The following DIDO1 variants were observed in gnomAD, a reference collection of about 807,000 sequenced individuals.
DIDO1 encodes death inducer-obliterator 1.
Under a neutral mutation model 99.4 loss-of-function variants are expected in DIDO1, and 16 were observed. That is an observed-to-expected ratio of 0.16 (90% CI 0.11 to 0.24). The LOEUF is 0.24. Ranked by LOEUF, DIDO1 falls within the 10% of genes least tolerant of loss-of-function variation. The pLI, the probability that DIDO1 is intolerant of heterozygous loss-of-function variation, is 1.00. For missense variants in DIDO1, 2,996 were observed against 3,014.0 expected, an observed-to-expected ratio of 0.99 and a Z score of 0.14; for synonymous variants, 1,366 against 1,239.1, an observed-to-expected ratio of 1.10 and a Z score of -2.15.
chr20:62,897,085 G>C (rs529994402), intron 6 of DIDO1, 89 bp from the exon 7 acceptor site: 2 of 1,220,078 alleles, frequency 1.6e-6, no homozygotes, highest in Non-Finnish European at 2.3e-6. Context: ...CCTTAAACCT[G>C]TAAGTGCCCA....
chr20:62,879,623 C>T lies in DIDO1; in HGVS notation c.6333G>A (p.Glu2111=). 1 of 1,605,288 alleles carries T rather than the reference C, an allele frequency of 6.2e-7. No individual in the cohort carries two copies. Among genetic ancestry groups the T allele is most frequent in the African/African-American group, 1.3e-5 (1 of 75,030 alleles). ...EEPDAQGRAS[E]DRRRERERGR... Reference sequence around the variant, plus strand: ...CGCGCTCGCGCTCTCTCCTCCTGTCCTCGGACGCCCGGCCCTGGGCGTCGG... The same window carrying T: ...CGCGCTCGCGCTCTCTCCTCCTGTCTTCGGACGCCCGGCCCTGGGCGTCGG... Residue 2111 remains glutamate (E), a synonymous_variant, in exon 16 of 16, where the codon GAG becomes GAA. Transcript: ENST00000395343. This position sits in a 1 kb window ranked among gnomAD's most constrained non-coding sequence, Gnocchi z 6.3.
intron 6 of DIDO1, among the ~76,000 whole-genome samples, chr20:62,901,788 A>G (rs2064687580): frequency 6.6e-6 from 1 of 151,632 alleles, no homozygotes; most frequent in Admixed American, 6.6e-5. Context: ...AGCTAAGAAT[A>G]TAACTATGTG....
At chr20:62,883,748 C>T (rs534890013) in intron 15 of DIDO1, among the ~76,000 whole-genome samples, 8 of 152,312 alleles carry the variant, frequency 5.3e-5, no homozygotes, top group Admixed American at 4.6e-4. Flanking sequence ...ATCGCTTGAA[C>T]CCAGGAGGTG....
At chr20:62,934,962 T>G (rs1466928109) in intron 1 of DIDO1, among the ~76,000 whole-genome samples, 1 of 152,230 alleles carries the variant, frequency 6.6e-6, no homozygotes, top group Non-Finnish European at 1.5e-5. Flanking sequence ...GATCCACTCC[T>G]TGTCTCCATG....
In DIDO1 at chr20:62,891,024, G is replaced by A. The variant is rs1235036624; in HGVS notation, c.3477C>T (p.Leu1159=). 1 of 1,614,086 alleles carries A rather than the reference G, an allele frequency of 6.2e-7. No individual in the cohort carries two copies. Among genetic ancestry groups the A allele is most frequent in the Non-Finnish European group, 8.5e-7 (1 of 1,180,042 alleles). The part of the protein sequence containing the change: ...VANNNRHVKD[L]YLIPLSAQDP... Reference sequence around the variant, plus strand: ...CCTGGGCGCTCAGCGGGATCAGGTAGAGGTCCTTGACGTGCCTGTTGTTAT... The same window carrying A: ...CCTGGGCGCTCAGCGGGATCAGGTAAAGGTCCTTGACGTGCCTGTTGTTAT... The change falls in exon 15 of 16, where the codon CTC becomes CTT. Residue 1159 remains leucine (L), a synonymous_variant. Transcript: ENST00000395343.
intron 3 of DIDO1, 79 bp downstream of exon 3, chr20:62,910,695 G>T: frequency 1.3e-6 from 2 of 1,486,568 alleles, no homozygotes; most frequent in Non-Finnish European, 1.8e-6. Flanking sequence ...GCCCAGCTTT[G>T]TAACCCTTTA....
In DIDO1 at chr20:62,894,874, T is replaced by G; in HGVS notation, c.2372A>C (p.Lys791Thr). The G allele has an allele frequency of 6.2e-7, 1 of 1,614,226 alleles. No individual in the cohort carries two copies. Among genetic ancestry groups the G allele is most frequent in the Non-Finnish European group, 8.5e-7 (1 of 1,180,044 alleles). Residue 791 changes from lysine (K) to threonine (T), a missense_variant, in exon 10 of 16, where the codon AAG (lysine) becomes ACG (threonine). Physicochemically the swap from Lys to Thr is moderately conservative, Grantham distance 78 (BLOSUM62 -1). Transcript: ENST00000395343. This position sits in a 1 kb window ranked among gnomAD's most constrained non-coding sequence, Gnocchi z 4.4. ...GATGGCCTCCTGCCTGGGGGCCGTC[T>G]TCTTGCTTTCATTGTGCAGTTTAGT... ...SRTKLHNESK[K>T]TAPRQEAIPD...
At chr20:62,919,706 C>T (rs1261485756) in intron 1 of DIDO1, among the ~76,000 whole-genome samples, 1 of 152,188 alleles carries the variant, frequency 6.6e-6, no homozygotes, top group Admixed American at 6.5e-5. Flanking sequence ...TACTGAAAAA[C>T]CTGCTGAGGA....
At chr20:62,920,483 G>T (rs917564286) in intron 1 of DIDO1, among the ~76,000 whole-genome samples, 5 of 152,240 alleles carry the variant, frequency 3.3e-5, no homozygotes, top group African/African-American at 9.6e-5. Context: ...GCATCAGATT[G>T]ATTCCACACT....
intron 6 of DIDO1, among the ~76,000 whole-genome samples, chr20:62,903,817 G>A (rs564036548): frequency 1.3e-5 from 2 of 152,272 alleles, no homozygotes; most frequent in South Asian, 4.1e-4. Context: ...CCTGTCCCTG[G>A]AGCAAATCAG....
rs1262414902 is a variant in DIDO1, at chr20:62,891,968, T to G, written c.3345+19A>C. ...ACACAATTTTCCATGGTTGCAGAAT[T>G]TATACTATAAGCAGGTACCTTAGAC... On this transcript the variant is annotated intron_variant, in intron 14 of 15. Coordinates refer to ENST00000395343, the MANE Select transcript of DIDO1 (RefSeq NM_001193369.2). The G allele has an allele frequency of 6.3e-7, 1 of 1,591,620 alleles. No homozygotes were observed. The highest frequency in any genetic ancestry group is 1.4e-5 in the African/African-American group (1 of 73,638).
Position 62,881,955 on chromosome 20 carries a change from T to G in DIDO1, c.4001A>C (p.Glu1334Ala). Residue 1334 changes from glutamate to alanine, a missense_variant, in exon 16 of 16, where the codon GAG (glutamate) becomes GCG (alanine). Transcript: ENST00000395343. This position sits in a 1 kb window ranked among gnomAD's most constrained non-coding sequence, Gnocchi z 8.3. ...KKKSFDPSAR[E>A]PPGSTAGLPQ... ...GAGACCTGCGGTGGACCCGGGAGGC[T>G]CTCTGGCGGACGGGTCGAATGATTT... The G allele has an allele frequency of 6.2e-7, 1 of 1,613,310 alleles. No individual in the cohort carries two copies. Among genetic ancestry groups the G allele is most frequent in the South Asian group, 1.1e-5 (1 of 91,086 alleles).
intron 1 of DIDO1, among the ~76,000 whole-genome samples, chr20:62,924,277 C>CAG (rs34588371): frequency 0.56 from 85,502 of 151,850 alleles, 25,309 homozygotes; most frequent in African/African-American, 0.73. Context: ...CTGAGCCTGC[C>CAG]AGAGAGATGA....
At chr20:62,892,739 T>C (rs992421370) in intron 13 of DIDO1, 70 bp downstream of exon 13, 7 of 1,522,584 alleles carry the variant, frequency 4.6e-6, no homozygotes, top group African/African-American at 2.8e-5. Flanking sequence ...GAGAAAGTCA[T>C]GTGTTTGACT....
At chr20:62,933,419 G>C (rs2065350373) in intron 1 of DIDO1, among the ~76,000 whole-genome samples, 1 of 152,190 alleles carries the variant, frequency 6.6e-6, no homozygotes, top group Non-Finnish European at 1.5e-5. Flanking sequence ...AAAGTAAGGT[G>C]GTTTGATTTG....
At chr20:62,888,668 G>A (rs959217730) in intron 15 of DIDO1, 14 of 985,350 alleles carry the variant, frequency 1.4e-5, no homozygotes, top group East Asian at 1.1e-4. Context: ...ACACACACGC[G>A]CGCACATGCA....
At chr20:62,908,517 T>C (rs1249386156) in intron 4 of DIDO1, among the ~76,000 whole-genome samples, 1 of 152,220 alleles carries the variant, frequency 6.6e-6, no homozygotes, top group African/African-American at 2.4e-5. Context: ...TGACCACTGC[T>C]GTTTACAAAG....
In DIDO1 at chr20:62,894,604, A is replaced by G; in HGVS notation, c.2437-56T>C. On this transcript the variant is annotated intron_variant, in intron 10 of 15. Coordinates refer to ENST00000395343, the MANE Select transcript of DIDO1 (RefSeq NM_001193369.2). The surrounding 1 kb of genome is among the most constrained non-coding windows in gnomAD (Gnocchi z 4.4). ...CGTTTCTTCTCCAAACTCAGCTCCA[A>G]ATTAACCACACACAAGAAAAGCAGT... The G allele has an allele frequency of 6.3e-7, 1 of 1,581,580 alleles. No homozygotes were observed. Among genetic ancestry groups the G allele is most frequent in the South Asian group, 1.1e-5 (1 of 89,136 alleles).
chr20:62,936,673 G>A (rs1306220479), intron 1 of DIDO1, among the ~76,000 whole-genome samples: 1 of 152,082 alleles, frequency 6.6e-6, no homozygotes, highest in African/African-American at 2.4e-5. Context: ...AGACCAGCCT[G>A]ACCAACAAGG....
Sources: gnomAD v4.1 joint callset for allele counts (sites outside exome capture counted in the v4.1 genomes callset) on GRCh38, gnomAD v4.1.1 for gene constraint, Gnocchi (gnomAD v3.1) non-coding constraint, MANE v1.5 for transcripts, NCBI Gene and HGNC (gene_info 2026-07-23, HGNC 2026-07-21) for gene names.